The following RSRC2 variants were observed in gnomAD, a reference collection of about 807,000 sequenced individuals.
The protein encoded by RSRC2 is arginine and serine rich coiled-coil 2.
Under a neutral mutation model 61.3 loss-of-function variants are expected in RSRC2, and 5 were observed. The ratio of observed to expected loss-of-function variants is 0.08; its 90% CI spans 0.04 to 0.17. The LOEUF (loss-of-function observed/expected upper bound fraction) is 0.17, where lower values mean the gene tolerates loss of function less well. Among genes scored for constraint, RSRC2 ranks in the 10% least tolerant of loss-of-function variants. The pLI, the probability that RSRC2 is intolerant of heterozygous loss-of-function variation, is 1.00. For missense variants in RSRC2, 381 were observed against 518.8 expected, an observed-to-expected ratio of 0.73 and a Z score of 2.58; for synonymous variants, 202 against 166.5, an observed-to-expected ratio of 1.21 and a Z score of -1.64.
chr12:122,505,782 G>T (rs112040871), intron 9 of RSRC2, 76 bp from the exon 10 acceptor site: 5 of 1,313,240 alleles, frequency 3.8e-6, no homozygotes, highest in African/African-American at 1.6e-5. Flanking sequence ...TATTTTTTAT[G>T]TATTTTTTTT....
At chr12:122,514,541 C>A in intron 6 of RSRC2, 1 of 949,876 alleles carries the variant, frequency 1.1e-6, no homozygotes, top group Non-Finnish European at 1.2e-6. Context: ...GCCGGGATTA[C>A]AGGTGTGACC....
At chr12:122,508,520 A>G in intron 7 of RSRC2, 73 bp from the exon 8 acceptor site, 1 of 1,192,066 alleles carries the variant, frequency 8.4e-7, no homozygotes, top group South Asian at 1.4e-5. Flanking sequence ...ACATTAACGA[A>G]CGATTTATAA....
At chr12:122,518,100 T>C (rs992100180) in intron 4 of RSRC2, among the ~76,000 whole-genome samples, 1 of 152,026 alleles carries the variant, frequency 6.6e-6, no homozygotes, top group Non-Finnish European at 1.5e-5. Context: ...GATTCGTGAA[T>C]AGCCTGCACA....
chr12:122,526,438 C>T (rs1308125441), intron 1 of RSRC2: 4 of 224,354 alleles, frequency 1.8e-5, no homozygotes, highest in Non-Finnish European at 3.6e-5. Context: ...CAGACACTGC[C>T]TTTTTGACCC....
intron 5 of RSRC2, among the ~76,000 whole-genome samples, chr12:122,516,401 G>C (rs750442760): frequency 2.6e-5 from 4 of 152,146 alleles, no homozygotes; most frequent in South Asian, 2.1e-4. Context: ...CAAAATCTGA[G>C]GTAGTTTGTA....
intron 3 of RSRC2, chr12:122,519,493 T>C (rs1255528822): frequency 1.3e-5 from 2 of 156,680 alleles, no homozygotes; most frequent in Non-Finnish European, 2.8e-5. Flanking sequence ...ATATTTTCTA[T>C]AATTTCAAAT....
intron 7 of RSRC2, among the ~76,000 whole-genome samples, chr12:122,510,284 CA>C (rs2137440499): frequency 6.6e-6 from 1 of 152,308 alleles, no homozygotes; most frequent in African/African-American, 2.4e-5. Context: ...GTAATCCCAG[CA>C]CTTCGGGAGG....
intron 3 of RSRC2, chr12:122,519,642 G>C (rs964880361): frequency 1.3e-5 from 2 of 153,324 alleles, no homozygotes; most frequent in African/African-American, 4.8e-5. Context: ...AATAGGCTTA[G>C]AGGAGTATTA....
intron 6 of RSRC2, 116 bp from the exon 7 acceptor site, chr12:122,511,304 A>G (rs138606119): frequency 1.2e-3 from 781 of 657,782 alleles, no homozygotes; most frequent in African/African-American, 8.8e-3. Context: ...TTAAATTTTT[A>G]GCATCCCTCC....
chr12:122,513,617 T>C (rs1384967109), intron 6 of RSRC2: 2 of 175,280 alleles, frequency 1.1e-5, no homozygotes, highest in African/African-American at 4.8e-5. Context: ...CAATCTAGCA[T>C]ATACTAAATC....
chr12:122,522,392 C>A, intron 1 of RSRC2, 93 bp from the exon 2 acceptor site: 1 of 1,177,684 alleles, frequency 8.5e-7, no homozygotes. Context: ...GAAGATAGCC[C>A]CCCACAATCA....
At chr12:122,520,812 G>A in intron 3 of RSRC2, 1 of 307,814 alleles carries the variant, frequency 3.2e-6, no homozygotes, top group South Asian at 2.7e-5. Flanking sequence ...TTCTCAGGTG[G>A]GTGAACAAGT....
intron 1 of RSRC2, chr12:122,523,249 C>G (rs1038594597): frequency 2.6e-5 from 4 of 152,242 alleles, no homozygotes; most frequent in Admixed American, 1.3e-4. Flanking sequence ...AGTGTTGTGG[C>G]TCATGCCTGT....
chr12:122,507,468 T>C (rs1378031863), intron 8 of RSRC2, among the ~76,000 whole-genome samples: 1 of 151,912 alleles, frequency 6.6e-6, no homozygotes, highest in Non-Finnish European at 1.5e-5. Flanking sequence ...CTGCATGTCA[T>C]TTGCATTTAA....
intron 8 of RSRC2, among the ~76,000 whole-genome samples, chr12:122,507,407 A>T (rs570272123): frequency 1.1e-4 from 17 of 152,226 alleles, no homozygotes; most frequent in African/African-American, 3.4e-4. Flanking sequence ...TAAAATAAAA[A>T]AATGGATTAT....
intron 7 of RSRC2, 45 bp downstream of exon 7, chr12:122,511,064 A>AC: frequency 7.0e-7 from 1 of 1,426,326 alleles, no homozygotes; most frequent in Non-Finnish European, 9.6e-7. Flanking sequence ...AAAAAGCTTG[A>AC]AAGAGCTCAA....
chr12:122,512,459 G>A (rs1035010103), intron 6 of RSRC2, among the ~76,000 whole-genome samples: 1 of 152,150 alleles, frequency 6.6e-6, no homozygotes, highest in African/African-American at 2.4e-5. Context: ...CCGGCGCCAC[G>A]CCTCTCGCCT....
intron 2 of RSRC2, among the ~76,000 whole-genome samples, 161 bp from the exon 3 acceptor site, chr12:122,521,589 CAT>C (rs1219260239): frequency 2.0e-5 from 3 of 152,154 alleles, no homozygotes; most frequent in African/African-American, 4.8e-5. Flanking sequence ...ATACAACACA[CAT>C]GTGAAACAAA....
Position 122,520,977 on chromosome 12 carries a change from T to C in RSRC2, c.207+408A>G, listed in dbSNP as rs745586279. 3.3e-5 allele frequency: 7 copies of C among 215,278 alleles called. No individual in the cohort carries two copies. In the East Asian group the frequency reaches 4.8e-4, roughly 15 times the overall value. The allele number at this position is 215,278 out of a possible 1,614,324, so 13.3% of individuals were successfully genotyped here. On this transcript the variant is annotated intron_variant, in intron 3 of 9. Coordinates refer to ENST00000331738, the MANE Select transcript of RSRC2 (RefSeq NM_023012.6). ...TTTGCAAAAGAAAAGAGAACTCCTGTTATCGTTCATAAGGAAAAAGCAGCG... is the reference window on the plus strand; with the variant it reads ...TTTGCAAAAGAAAAGAGAACTCCTGCTATCGTTCATAAGGAAAAAGCAGCG...
Sources: gnomAD v4.1 joint callset for allele counts (sites outside exome capture counted in the v4.1 genomes callset) on GRCh38, gnomAD v4.1.1 for gene constraint, MANE v1.5 for transcripts, NCBI Gene and HGNC (gene_info 2026-07-23, HGNC 2026-07-21) for gene names.